NPHS1: variants seen among roughly 807,000 people sequenced by gnomAD.
The protein encoded by NPHS1 is NPHS1 adhesion molecule, nephrin, also known as nephrin.
In NPHS1, 107 loss-of-function variants were observed where a neutral mutation model predicts 139.7. The ratio of observed to expected loss-of-function variants is 0.77; its 90% CI spans 0.66 to 0.90. The LOEUF is 0.90. NPHS1 is among the 40% of genes least tolerant of loss of function. The pLI, the probability that NPHS1 is intolerant of heterozygous loss-of-function variation, is 0.00. For synonymous variants in NPHS1, 707 were observed against 706.6 expected, an observed-to-expected ratio of 1.00 and a Z score of -0.01; for missense variants, 1,580 against 1,654.2, an observed-to-expected ratio of 0.96 and a Z score of 0.78.
intron 23 of NPHS1, among the ~76,000 whole-genome samples, chr19:35,833,625 CAG>C (rs1341206147): frequency 3.9e-5 from 6 of 152,138 alleles, no homozygotes; most frequent in African/African-American, 1.4e-4. Flanking sequence ...GGGTGAGAAA[CAG>C]ATCGCTGGTG....
rs386833890 is a variant in NPHS1 at position 35,845,702 on chromosome 19, G to T, written c.1724C>A (p.Pro575Gln). ...TTCCTTGTCCCAGGACAAGTTGACC[G>T]GCGGATTGCTGCTGACGCTGACGCA... ...LTCVSVSSNPPVNLSWDKEGE... is the reference protein window; with the variant it reads ...LTCVSVSSNPQVNLSWDKEGE... The change falls in exon 13 of 29, where the codon CCG becomes CAG. Residue 575 changes from proline (P) to glutamine (Q), a missense_variant. Pro to Gln is a moderately conservative substitution (Grantham distance 76, BLOSUM62 -1). Transcript: ENST00000378910. The surrounding 1 kb of genome is among the most constrained non-coding windows in gnomAD (Gnocchi z 5.5). The T allele has an allele frequency of 2.5e-6, 4 of 1,614,044 alleles. No homozygotes were observed. The highest frequency in any genetic ancestry group is 3.4e-6 in the Non-Finnish European group (4 of 1,179,962).
intron 23 of NPHS1, among the ~76,000 whole-genome samples, chr19:35,832,570 T>C (rs1972898933): frequency 6.6e-6 from 1 of 150,834 alleles, no homozygotes; most frequent in South Asian, 2.1e-4. Context: ...TCTCAAGGAC[T>C]TCTTTATTTT....
intron 4 of NPHS1, 83 bp downstream of exon 4, chr19:35,850,878 G>A: frequency 6.5e-7 from 1 of 1,549,422 alleles, no homozygotes; most frequent in Non-Finnish European, 8.8e-7. Context: ...GGGGCCCTTA[G>A]AAGGGTACTG....
At position 35,841,510 on chromosome 19, in the gene NPHS1, GTTCTT is replaced by G. The variant is rs1973055120; in HGVS notation, c.2815+200_2815+204del. 3.3e-5 allele frequency among the ~76,000 whole-genome samples: 5 copies of G among 152,198 alleles called. No homozygotes were observed. The South Asian group carries it at 8.3e-4, about 25-fold the overall frequency. ...AGTACCCCCTCTCCATCTTTTTTCT[GTTCTT>G]TTCTTTTTCTTTTGCCTTTGTTGTG... On this transcript the variant is annotated intron_variant, in intron 20 of 28. Transcript: ENST00000378910.
rs771423359 is a variant in NPHS1 at position 35,849,110 on chromosome 19, T to C, written c.878A>G (p.His293Arg). Residue 293 changes from histidine to arginine, a missense_variant, in exon 8 of 29, where the codon CAC becomes CGC. Physicochemically the swap from His to Arg is conservative, Grantham distance 29. Transcript: ENST00000378910. ...QPVSTAWGTE[H>R]TQAVARSVLV... is the part of the protein sequence containing the mutation. ...CACACTGCGGGCCACCGCCTGGGTGTGCTCTGTGCCCCACGCTGTGGACAC... is the reference window on the plus strand; with the variant it reads ...CACACTGCGGGCCACCGCCTGGGTGCGCTCTGTGCCCCACGCTGTGGACAC... The C allele has an allele frequency of 5.3e-5, 86 of 1,609,606 alleles. No individual in the cohort carries two copies. The highest frequency in any genetic ancestry group is 7.1e-5 in the Non-Finnish European group (84 of 1,180,014).
At chr19:35,827,377 C>T (rs1017074383) in intron 28 of NPHS1, among the ~76,000 whole-genome samples, 11 of 151,976 alleles carry the variant, frequency 7.2e-5, no homozygotes, top group African/African-American at 1.2e-4. Flanking sequence ...GTAAGAGGAT[C>T]GCTTGAGCCC....
chr19:35,830,858 C>T lies in NPHS1; in HGVS notation c.3580G>A (p.Asp1194Asn), dbSNP rs890195712. 6 of 1,607,254 alleles carry T rather than the reference C, an allele frequency of 3.7e-6. No individual in the cohort carries two copies. In the African/African-American group the frequency reaches 6.7e-5, roughly 18 times the overall value. Reference protein sequence around the residue: ...PPSGAWGPLYDEVQMGPWDLH... With the variant: ...PPSGAWGPLYNEVQMGPWDLH... ...AAGCTTCTCACCATCTGCACTTCAT[C>T]GTAGAGGGGTCCCCAGGCTCCAGAC... Residue 1194 changes from aspartate (D) to asparagine (N), a missense_variant, in exon 28 of 29, where the codon GAT becomes AAT. Transcript: ENST00000378910.
intron 28 of NPHS1, among the ~76,000 whole-genome samples, chr19:35,828,252 T>C (rs1410689915): frequency 6.6e-6 from 1 of 152,172 alleles, no homozygotes; most frequent in African/African-American, 2.4e-5. Context: ...AGAATGGTTT[T>C]TATTTTTTTC....
At chr19:35,826,744 A>G in intron 28 of NPHS1, 99 bp from the exon 29 acceptor site, 2 of 1,377,686 alleles carry the variant, frequency 1.5e-6, no homozygotes, top group East Asian at 2.3e-5. Context: ...TTCCCAGAAA[A>G]AAGTGTTTTA....
rs1599845766 is a variant in NPHS1, at chr19:35,849,454, G to A, written c.713-91C>T. On this transcript the variant is annotated intron_variant, in intron 6 of 28. Transcript: ENST00000378910. Reference sequence around the variant, plus strand: ...TGCCTTTGAACCCCCATGTTTCTCTGAGTGCCTGAATTTCCATAATCCCTG... The same window carrying A: ...TGCCTTTGAACCCCCATGTTTCTCTAAGTGCCTGAATTTCCATAATCCCTG... The A allele has an allele frequency of 3.8e-6, 6 of 1,597,070 alleles. No individual in the cohort carries two copies. The East Asian group carries it at 1.3e-4, about 36-fold the overall frequency.
Position 35,850,464 on chromosome 19 carries a change from C to T in NPHS1, c.527-19G>A, listed in dbSNP as rs752603473. 6.2e-7 allele frequency: 1 copy of T among 1,609,528 alleles called. No homozygotes were observed. The highest frequency in any genetic ancestry group is 2.2e-5 in the East Asian group (1 of 44,868). On this transcript the variant is annotated intron_variant, in intron 4 of 28. Coordinates refer to ENST00000378910, the MANE Select transcript of NPHS1 (RefSeq NM_004646.4). ...TGTCCACCTTGGGGCAGCAAGAGGG[C>T]TAGAGGGGTTCCAGGCTCCCCGCAA...
intron 23 of NPHS1, among the ~76,000 whole-genome samples, chr19:35,833,043 C>A (rs1406595547): frequency 8.3e-6 from 1 of 120,614 alleles, no homozygotes; most frequent in Non-Finnish European, 1.8e-5. Context: ...TGCCACCACA[C>A]CCGGCTAATT....
chr19:35,842,713 T>C (rs1381527797), intron 17 of NPHS1, among the ~76,000 whole-genome samples, 163 bp from the exon 18 acceptor site: 1 of 152,080 alleles, frequency 6.6e-6, no homozygotes, highest in Admixed American at 6.6e-5. Flanking sequence ...ATTTACTCAA[T>C]CCATCTTTTC....
In NPHS1 at chr19:35,848,722, A is replaced by G. The variant is rs1037071783; in HGVS notation, c.1085T>C (p.Val362Ala). The G allele has an allele frequency of 6.2e-7, 1 of 1,614,192 alleles. No homozygotes were observed. Among genetic ancestry groups the G allele is most frequent in the Non-Finnish European group, 8.5e-7 (1 of 1,180,034 alleles). Reference sequence around the variant, plus strand: ...AACCCGCGGGCGACTGGACTTGCTGACACAGGAGAGTGTCACGTTCTTGTT... The same window carrying G: ...AACCCGCGGGCGACTGGACTTGCTGGCACAGGAGAGTGTCACGTTCTTGTT... Reference protein sequence around the residue: ...TENKNVTLSCVSKSSRPRVLL... With the variant: ...TENKNVTLSCASKSSRPRVLL... The change falls in exon 9 of 29, where the codon GTC becomes GCC. Residue 362 changes from valine to alanine, a missense_variant. Physicochemically the swap from Val to Ala is moderately conservative, Grantham distance 64. Transcript: ENST00000378910.
chr19:35,847,344 CTTTTTTTTTTTTT>C (rs34920536), intron 11 of NPHS1, among the ~76,000 whole-genome samples: 3 of 59,882 alleles, frequency 5.0e-5, no homozygotes, highest in African/African-American at 2.5e-4. Flanking sequence ...TGTGCCCAGC[CTTTTTTTTTTTTT>C]TTTTTTTTTT....
At chr19:35,830,069 C>T (rs150313799) in intron 28 of NPHS1, among the ~76,000 whole-genome samples, 2,952 of 152,280 alleles carry the variant, frequency 0.019, 47 homozygotes, top group Non-Finnish European at 0.027. Context: ...CTCTCTTTCT[C>T]TCTCTTTAAC....
rs1244350234 is a variant in NPHS1, at chr19:35,842,589, G to T, written c.2335-39C>A. ...AGTCCAGAATTGGCCTCCCAGTCTA[G>T]CCCCAGATCCATCACTGCCCAAATT... On this transcript the variant is annotated intron_variant, in intron 17 of 28. Transcript: ENST00000378910. The T allele has an allele frequency of 7.5e-6, 12 of 1,605,042 alleles. No homozygotes were observed. The Admixed American group carries it at 2.0e-4, about 27-fold the overall frequency.
At chr19:35,827,852 G>T (rs755985578) in intron 28 of NPHS1, among the ~76,000 whole-genome samples, 1 of 152,172 alleles carries the variant, frequency 6.6e-6, no homozygotes, top group Non-Finnish European at 1.5e-5. Flanking sequence ...GGGAGGTGGA[G>T]GTTGCAGTGA....
chr19:35,843,890 G>A, intron 16 of NPHS1: 1 of 715,208 alleles, frequency 1.4e-6, no homozygotes, highest in Non-Finnish European at 2.3e-6. Context: ...GTGTCTAGGC[G>A]GGCACCCTCT....
Sources: allele counts gnomAD v4.1 joint callset (sites outside exome capture counted in the v4.1 genomes callset), GRCh38; gene constraint gnomAD v4.1.1; non-coding constraint Gnocchi (gnomAD v3.1); transcripts MANE v1.5; gene names NCBI Gene and HGNC (gene_info 2026-07-23, HGNC 2026-07-21).